Variants in CARD8 observed in about 807,000 individuals in gnomAD.
The protein encoded by CARD8 is caspase recruitment domain-containing protein 8.
Under a neutral mutation model 53.2 loss-of-function variants are expected in CARD8, and 38 were observed. The observed-to-expected ratio is 0.71, with a 90% confidence interval of 0.55 to 0.94. CARD8 has a LOEUF of 0.94. Among genes scored for constraint, CARD8 ranks in the 40% least tolerant of loss-of-function variants. The probability of loss-of-function intolerance (pLI) is 0.00; values close to 1 mark genes in which losing one functional copy is unlikely to be tolerated. For synonymous variants in CARD8, 245 were observed against 244.9 expected (o/e 1.00, Z 0.00); for missense variants, 561 against 655.5 (o/e 0.86, Z 1.57).
intron 8 of CARD8, 48 bp downstream of exon 8, chr19:48,231,612 C>T: frequency 6.5e-7 from 1 of 1,537,796 alleles, no homozygotes; most frequent in South Asian, 1.3e-5. Flanking sequence ...CTACACACTT[C>T]CTTTATATCA....
intron 1 of CARD8, among the ~76,000 whole-genome samples, chr19:48,253,086 T>C (rs1600781337): frequency 6.6e-6 from 1 of 152,268 alleles, no homozygotes. Context: ...TAAAACATAA[T>C]AGCACAAGAG....
chr19:48,239,386 G>T (rs897924616), intron 4 of CARD8, among the ~76,000 whole-genome samples: 3 of 151,868 alleles, frequency 2.0e-5, no homozygotes, highest in African/African-American at 7.3e-5. Context: ...CGCAAGAGTT[G>T]GAAACACTGG....
At chr19:48,248,142 A>T (rs1028246583) in intron 3 of CARD8, among the ~76,000 whole-genome samples, 1 of 152,228 alleles carries the variant, frequency 6.6e-6, no homozygotes, top group Admixed American at 6.5e-5. Context: ...CATTCTTTAA[A>T]GTTCAAATAC....
rs2043504904 is a variant in CARD8, at chr19:48,234,492, A to C, written c.261T>G (p.His87Gln). 1 of 1,613,882 alleles carries C rather than the reference A, an allele frequency of 6.2e-7. No individual in the cohort carries two copies. Among genetic ancestry groups the C allele is most frequent in the Non-Finnish European group, 8.5e-7 (1 of 1,179,902 alleles). The change falls in exon 6 of 14, where the codon CAT (histidine) becomes CAG (glutamine). Residue 87 changes from histidine to glutamine, a missense_variant. Coordinates refer to ENST00000651546, the MANE Select transcript of CARD8 (RefSeq NM_001184900.3). Reference sequence around the variant, plus strand: ...CTGTCTCATCATCTTCTTGGAAAAAATGTGAGATGTCACAAAGGGTCTCAG... The same window carrying C: ...CTGTCTCATCATCTTCTTGGAAAAACTGTGAGATGTCACAAAGGGTCTCAG... ...CVSETLCDIS[H>Q]FFQEDDETEA...
At position 48,219,963 on chromosome 19, in the gene CARD8, T is replaced by C. The variant is rs183973116; in HGVS notation, c.1162-951A>G. Among the ~76,000 whole-genome samples, 3 of 152,210 alleles carry C rather than the reference T, an allele frequency of 2.0e-5. No individual in the cohort carries two copies. In the East Asian group the frequency reaches 5.8e-4, roughly 29 times the overall value. On this transcript the variant is annotated intron_variant, in intron 11 of 13. Transcript: ENST00000651546. ...TCCAGCCTGGGCGACAGAGTAAGAC[T>C]CTGTCTCAAAAAAAGATTATCACCT... is the stretch of plus-strand genomic sequence containing the variant.
At chr19:48,214,242 G>T (rs930827281) in intron 13 of CARD8, among the ~76,000 whole-genome samples, 5 of 152,182 alleles carry the variant, frequency 3.3e-5, no homozygotes, top group Admixed American at 2.6e-4. Context: ...TATGAGCAGG[G>T]CAGGAGAGGA....
chr19:48,244,502 C>G (rs1028902125), intron 3 of CARD8, among the ~76,000 whole-genome samples: 1 of 152,114 alleles, frequency 6.6e-6, no homozygotes, highest in African/African-American at 2.4e-5. Flanking sequence ...TGAGTAAAGC[C>G]TCATACTCGG....
rs549794218 is a variant in CARD8 at position 48,234,420 on chromosome 19, A to C, written c.333T>G (p.Ser111=). The change falls in exon 6 of 14, where the codon TCT becomes TCG. Residue 111 remains serine (S), a synonymous_variant. Transcript: ENST00000651546. ...TTTCTTACCTGGGAATGTCCCCCCCAGATAGTTGACACTCAGGAACAGCAC... is the reference window on the plus strand; with the variant it reads ...TTTCTTACCTGGGAATGTCCCCCCCCGATAGTTGACACTCAGGAACAGCAC... ...LFRAVPECQL[S]GGDIPSVSEE... is the part of the protein sequence containing the mutation. 9 of 1,612,520 alleles carry C rather than the reference A, an allele frequency of 5.6e-6. No individual in the cohort carries two copies. Among genetic ancestry groups the C allele is most frequent in the African/African-American group, 1.3e-5 (1 of 74,964 alleles).
At chr19:48,204,880 A>G (rs2037285191), downstream of CARD8, among the ~76,000 whole-genome samples, 1 of 152,214 alleles carries the variant, frequency 6.6e-6, no homozygotes, top group Non-Finnish European at 1.5e-5. Context: ...ATTTAGTGAT[A>G]GAGTTACCAG....
intron 5 of CARD8, among the ~76,000 whole-genome samples, chr19:48,235,969 A>G (rs572332502): frequency 2.4e-4 from 37 of 152,366 alleles, no homozygotes; most frequent in South Asian, 2.1e-3. Context: ...CCTGTTAAAA[A>G]CATCAACAAC....
intron 3 of CARD8, among the ~76,000 whole-genome samples, chr19:48,243,808 G>A (rs34371147): frequency 0.085 from 12,901 of 152,172 alleles, 1,288 homozygotes; most frequent in African/African-American, 0.24. Flanking sequence ...CTATGATGGC[G>A]CCGCTGCATT....
At chr19:48,236,533 C>T (rs2043915119) in intron 5 of CARD8, among the ~76,000 whole-genome samples, 1 of 152,108 alleles carries the variant, frequency 6.6e-6, no homozygotes, top group South Asian at 2.1e-4. Context: ...TTTTATTAAA[C>T]AAAGTAGTTC....
chr19:48,232,763 AG>A, intron 6 of CARD8: 1 of 616,002 alleles, frequency 1.6e-6, no homozygotes, highest in Non-Finnish European at 3.0e-6. Flanking sequence ...CATCACAGAA[AG>A]TTCTCTTAGA....
chr19:48,221,008 A>AG (rs1555806506), intron 11 of CARD8, among the ~76,000 whole-genome samples: 5 of 122,108 alleles, frequency 4.1e-5, no homozygotes, highest in African/African-American at 1.0e-4. Context: ...GAAAGAAAGA[A>AG]AAAGAAAGAA....
chr19:48,214,329 T>C (rs1052343594), intron 13 of CARD8, among the ~76,000 whole-genome samples: 2 of 152,152 alleles, frequency 1.3e-5, no homozygotes, highest in Non-Finnish European at 2.9e-5. Flanking sequence ...TCTAAAATAA[T>C]AATTGGTTGC....
intron 7 of CARD8, chr19:48,232,185 T>G: frequency 1.7e-6 from 1 of 574,884 alleles, no homozygotes; most frequent in Non-Finnish European, 3.1e-6. Flanking sequence ...ACTCCAAAGA[T>G]GCAGAGGCGA....
chr19:48,208,220 AC>A lies in CARD8; in HGVS notation c.*3489del, dbSNP rs1231443604. 1 of 152,178 alleles carries A rather than the reference AC, an allele frequency of 6.6e-6. No homozygotes were observed. The highest frequency in any genetic ancestry group is 1.5e-5 in the Non-Finnish European group (1 of 68,036). The allele number at this position is 152,178 out of a possible 1,614,324, so 9.4% of individuals were successfully genotyped here. ...ACAACTGCAAAATTCCACTGTCCTT[AC>A]GATCACAATCATGAAGAGGATGGAG... On this transcript the variant is annotated 3_prime_UTR_variant, in exon 14 of 14. Transcript: ENST00000651546.
At chr19:48,230,416 T>C in intron 10 of CARD8, 22 bp downstream of exon 10, 2 of 1,576,286 alleles carry the variant, frequency 1.3e-6, no homozygotes, top group Non-Finnish European at 1.7e-6. Flanking sequence ...TCTTCTCTGG[T>C]CTCCTAAATC....
In CARD8 at chr19:48,244,599, C is replaced by T. The variant is rs545279377; in HGVS notation, c.-43-3536G>A. Among the ~76,000 whole-genome samples, 253 of 151,962 alleles carry T rather than the reference C, an allele frequency of 1.7e-3. 1 individual carries two copies. The highest frequency in any genetic ancestry group is 3.1e-3 in the Non-Finnish European group (213 of 67,870). On this transcript the variant is annotated intron_variant, in intron 3 of 13. Transcript: ENST00000651546. Reference sequence around the variant, plus strand: ...GAGCAGGAGATAAATGTGGTAGAGGCGGTGTGGATCCTTGAAAACAGAGAA... The same window carrying T: ...GAGCAGGAGATAAATGTGGTAGAGGTGGTGTGGATCCTTGAAAACAGAGAA...
Sources: gnomAD v4.1 joint callset for allele counts (sites outside exome capture counted in the v4.1 genomes callset) on GRCh38, gnomAD v4.1.1 for gene constraint, MANE v1.5 for transcripts, NCBI Gene and HGNC (gene_info 2026-07-23, HGNC 2026-07-21) for gene names.